Variants in GRM7 observed in about 807,000 individuals in gnomAD.
The protein encoded by GRM7 is glutamate metabotropic receptor 7.
GRM7 carries 35 observed loss-of-function variants against 84.5 expected under a neutral mutation model. The observed-to-expected ratio is 0.41, with a 90% CI of 0.32 to 0.55. GRM7 has a LOEUF of 0.55. GRM7 is among the 20% of genes least tolerant of loss of function. The pLI is 0.19. For missense variants in GRM7, 1,003 were observed against 1,194.6 expected (o/e 0.84, Z 2.36); for synonymous variants, 487 against 455.1 (o/e 1.07, Z -0.89).
At chr3:7,245,851 G>A (rs1697737307) in intron 2 of GRM7, among the ~76,000 whole-genome samples, 3 of 151,882 alleles carry the variant, frequency 2.0e-5, no homozygotes, top group Non-Finnish European at 4.4e-5. Context: ...GCATTTTGAG[G>A]CTTACATGAA....
chr3:6,896,173 G>A (rs191291739), intron 1 of GRM7, among the ~76,000 whole-genome samples: 1 of 152,248 alleles, frequency 6.6e-6, no homozygotes, highest in Admixed American at 6.5e-5. Flanking sequence ...GAGCTGTGCT[G>A]TGCTGTTGCA....
chr3:7,657,569 C>CT lies in GRM7; in HGVS notation c.2452-22471dup, dbSNP rs531764413. 2.2e-3 allele frequency among the ~76,000 whole-genome samples: 330 copies of CT among 151,594 alleles called. 2 individuals carry two copies. Among genetic ancestry groups the CT allele is most frequent in the Non-Finnish European group, 3.8e-3 (256 of 67,816 alleles). On this transcript the variant is annotated intron_variant, in intron 8 of 9. Transcript: ENST00000357716. ...TAGCAAAGAGAACAAGAATTCCCTT[C>CT]TTTTTTTTTCCAGTAGGAATTTATT...
At chr3:7,700,714 A>C (rs932226038) in intron 9 of GRM7, among the ~76,000 whole-genome samples, 3 of 152,214 alleles carry the variant, frequency 2.0e-5, no homozygotes, top group African/African-American at 7.2e-5. Context: ...CAGTTTCTGC[A>C]CTGATGAAAG....
chr3:6,866,086 C>A (rs1308669719), intron 1 of GRM7, among the ~76,000 whole-genome samples: 1 of 152,152 alleles, frequency 6.6e-6, no homozygotes. Context: ...CATACCCATG[C>A]AATTAAGATG....
intron 8 of GRM7, among the ~76,000 whole-genome samples, chr3:7,594,950 G>A (rs961929198): frequency 1.3e-5 from 2 of 152,126 alleles, no homozygotes; most frequent in Admixed American, 1.3e-4. Flanking sequence ...GTGTGTGTGT[G>A]TGTGTGTGTG....
chr3:6,944,686 C>A (rs1383368351), intron 1 of GRM7, among the ~76,000 whole-genome samples: 1 of 152,036 alleles, frequency 6.6e-6, no homozygotes, highest in African/African-American at 2.4e-5. Flanking sequence ...ATAAATTTAG[C>A]CATGTGGAAT....
chr3:7,467,699 C>G (rs1259848051), intron 7 of GRM7, among the ~76,000 whole-genome samples: 2 of 152,054 alleles, frequency 1.3e-5, no homozygotes, highest in African/African-American at 4.8e-5. Context: ...AAATCCTTAC[C>G]ACAAGCCATT....
At chr3:7,063,960 A>C (rs1391946) in intron 1 of GRM7, among the ~76,000 whole-genome samples, 38,958 of 149,040 alleles carry the variant, frequency 0.26, 5,717 homozygotes, top group African/African-American at 0.41. Context: ...CGTGTAGAGC[A>C]AAAGGTGGTG....
At chr3:7,444,497 G>T (rs1020553345) in intron 5 of GRM7, among the ~76,000 whole-genome samples, 1 of 152,120 alleles carries the variant, frequency 6.6e-6, no homozygotes, top group African/African-American at 2.4e-5. Flanking sequence ...GTTTTCTTAT[G>T]TCAGTTTTAG....
chr3:7,683,538 A>G (rs1382560913), intron 9 of GRM7, among the ~76,000 whole-genome samples: 2 of 152,212 alleles, frequency 1.3e-5, no homozygotes, highest in Non-Finnish European at 2.9e-5. Flanking sequence ...TGTACCTCCA[A>G]ACATTGGGGT....
chr3:7,639,775 A>G (rs1050777573), intron 8 of GRM7, among the ~76,000 whole-genome samples: 18 of 152,174 alleles, frequency 1.2e-4, no homozygotes, highest in Non-Finnish European at 1.5e-4. Flanking sequence ...ATACATTTTG[A>G]CAAATGTGTA....
chr3:7,085,713 G>A (rs1698432748), intron 1 of GRM7, among the ~76,000 whole-genome samples: 1 of 152,072 alleles, frequency 6.6e-6, no homozygotes, highest in South Asian at 2.1e-4. Flanking sequence ...CATACTTGGA[G>A]GGCTTCAGTG....
intron 1 of GRM7, among the ~76,000 whole-genome samples, chr3:7,097,775 A>G (rs1325621725): frequency 1.3e-5 from 2 of 152,112 alleles, no homozygotes; most frequent in Admixed American, 6.6e-5. Flanking sequence ...TGTCTCACAT[A>G]TCAAAATTCT....
chr3:7,298,490 A>G lies in GRM7; in HGVS notation c.737-194A>G, dbSNP rs1699888133. Reference sequence around the variant, plus strand: ...TACTATAAAGAGGATGTCGTGTAATACCATGGAAAGTGCATTAGGTATGAA... The same window carrying G: ...TACTATAAAGAGGATGTCGTGTAATGCCATGGAAAGTGCATTAGGTATGAA... On this transcript the variant is annotated intron_variant, in intron 2 of 9. Transcript: ENST00000357716. The G allele has an allele frequency of 2.5e-5, 14 of 553,668 alleles. No homozygotes were observed. In the South Asian group the frequency reaches 3.5e-4, roughly 14 times the overall value. The allele number at this position is 553,668 out of a possible 1,614,324, so 34.3% of individuals were successfully genotyped here. A position where few individuals can be genotyped will look rare whatever the true frequency, so the allele number is the denominator to read the frequency against.
intron 4 of GRM7, among the ~76,000 whole-genome samples, chr3:7,338,704 T>A (rs1463294256): frequency 6.6e-6 from 1 of 152,018 alleles, no homozygotes; most frequent in East Asian, 1.9e-4. Context: ...ACCACTGGTA[T>A]TGAAACTGGA....
chr3:7,063,776 C>T (rs1559414850), intron 1 of GRM7, among the ~76,000 whole-genome samples: 1 of 151,680 alleles, frequency 6.6e-6, no homozygotes, highest in Non-Finnish European at 1.5e-5. Context: ...TGCAAAGTAA[C>T]ACAAGAAAAA....
chr3:7,681,404 G>T (rs1700362571), intron 9 of GRM7: 1 of 152,176 alleles, frequency 6.6e-6, no homozygotes, highest in African/African-American at 2.4e-5. Context: ...TAAAAACCAA[G>T]AAGCCAACTG....
intron 4 of GRM7, among the ~76,000 whole-genome samples, chr3:7,405,855 C>A (rs1033235422): frequency 2.0e-5 from 3 of 151,888 alleles, no homozygotes; most frequent in African/African-American, 7.3e-5. Flanking sequence ...CATCTAATAT[C>A]AACAGTAGGT....
chr3:7,058,172 T>C (rs1697299974), intron 1 of GRM7, among the ~76,000 whole-genome samples: 2 of 151,970 alleles, frequency 1.3e-5, no homozygotes, highest in African/African-American at 2.4e-5. Flanking sequence ...ACATTTTTTT[T>C]CTAGGCTACC....
Sources: gnomAD v4.1 joint callset for allele counts (sites outside exome capture counted in the v4.1 genomes callset) on GRCh38, gnomAD v4.1.1 for gene constraint, MANE v1.5 for transcripts, NCBI Gene and HGNC (gene_info 2026-07-23, HGNC 2026-07-21) for gene names.